The following ADAMTS6 variants were observed in gnomAD, a reference collection of about 807,000 sequenced individuals.
The protein encoded by ADAMTS6 is A disintegrin and metalloproteinase with thrombospondin motifs 6.
ADAMTS6 carries 23 observed loss-of-function variants against 144.3 expected under a neutral mutation model. The ratio of observed to expected loss-of-function variants is 0.16; its 90% confidence interval spans 0.11 to 0.23. The LOEUF (loss-of-function observed/expected upper bound fraction) is 0.23. Ranked by LOEUF, ADAMTS6 falls within the 10% of genes least tolerant of loss-of-function variation. The pLI is 1.00. For synonymous variants in ADAMTS6, 444 were observed against 457.5 expected, an observed-to-expected ratio of 0.97 and a Z score of 0.38; for missense variants, 999 against 1,379.6, an observed-to-expected ratio of 0.72 and a Z score of 4.37.
intron 7 of ADAMTS6, among the ~76,000 whole-genome samples, chr5:65,404,152 T>C (rs547907266): frequency 6.7e-6 from 1 of 148,968 alleles, no homozygotes; most frequent in Non-Finnish European, 1.5e-5. Flanking sequence ...ATTCACTTAG[T>C]TTTTTTTTTA....
At chr5:65,358,860 T>C (rs367739441) in intron 7 of ADAMTS6, among the ~76,000 whole-genome samples, 1 of 152,054 alleles carries the variant, frequency 6.6e-6, no homozygotes, top group East Asian at 1.9e-4. Flanking sequence ...ACTCACATCA[T>C]ATACAAAAAT....
chr5:65,298,607 T>C (rs1007660589), intron 10 of ADAMTS6, among the ~76,000 whole-genome samples: 2 of 152,184 alleles, frequency 1.3e-5, no homozygotes, highest in African/African-American at 4.8e-5. Flanking sequence ...GGTCTACCTT[T>C]ATAGCACTTC....
intron 9 of ADAMTS6, among the ~76,000 whole-genome samples, chr5:65,311,856 A>G (rs2112844951): frequency 6.6e-6 from 1 of 152,212 alleles, no homozygotes; most frequent in South Asian, 2.1e-4. Context: ...CAAACCAAAC[A>G]GAAGATCTGT....
At chr5:65,233,522 C>T (rs982036322) in intron 15 of ADAMTS6, among the ~76,000 whole-genome samples, 3 of 151,858 alleles carry the variant, frequency 2.0e-5, no homozygotes, top group Admixed American at 6.6e-5. Flanking sequence ...AAAATCAGTC[C>T]ATTTCTATAC....
intron 7 of ADAMTS6, among the ~76,000 whole-genome samples, chr5:65,430,960 A>T (rs988749453): frequency 2.0e-5 from 3 of 152,180 alleles, no homozygotes; most frequent in African/African-American, 7.2e-5. Flanking sequence ...TTGTTTACTT[A>T]TTCATAATCA....
chr5:65,425,279 C>T (rs1756412650), intron 7 of ADAMTS6, among the ~76,000 whole-genome samples: 1 of 152,208 alleles, frequency 6.6e-6, no homozygotes, highest in African/African-American at 2.4e-5. Flanking sequence ...CCGCCAGCCT[C>T]AGCCTCCCAA....
intron 9 of ADAMTS6, among the ~76,000 whole-genome samples, chr5:65,326,560 A>G (rs1054712136): frequency 1.3e-5 from 2 of 152,200 alleles, no homozygotes; most frequent in African/African-American, 4.8e-5. Context: ...AATTTAAAGA[A>G]AGGGAGAAAA....
At chr5:65,399,648 C>T (rs1753751890) in intron 7 of ADAMTS6, among the ~76,000 whole-genome samples, 1 of 151,958 alleles carries the variant, frequency 6.6e-6, no homozygotes, top group Non-Finnish European at 1.5e-5. Context: ...ATGAAATAAT[C>T]CTAATTCCTT....
chr5:65,305,148 A>G (rs1311632402), intron 9 of ADAMTS6, among the ~76,000 whole-genome samples: 2 of 152,212 alleles, frequency 1.3e-5, no homozygotes, highest in African/African-American at 4.8e-5. Context: ...AATATTATGG[A>G]CATATAAATA....
At chr5:65,423,889 C>A (rs1035382139) in intron 7 of ADAMTS6, among the ~76,000 whole-genome samples, 8 of 152,050 alleles carry the variant, frequency 5.3e-5, no homozygotes, top group Non-Finnish European at 1.0e-4. Flanking sequence ...CATTTTACAA[C>A]TAAGAAGCAA....
intron 9 of ADAMTS6, among the ~76,000 whole-genome samples, chr5:65,311,016 G>C (rs867983289): frequency 4.6e-5 from 7 of 151,910 alleles, no homozygotes; most frequent in African/African-American, 1.7e-4. Context: ...AAAAAAAAAA[G>C]ATGTTCTTCC....
chr5:65,274,832 C>T (rs1004928159), intron 11 of ADAMTS6, among the ~76,000 whole-genome samples: 3 of 151,980 alleles, frequency 2.0e-5, no homozygotes. Context: ...CTACAGGCAC[C>T]CGCCACCATG....
chr5:65,414,669 G>C (rs548430417), intron 7 of ADAMTS6, among the ~76,000 whole-genome samples: 1 of 152,250 alleles, frequency 6.6e-6, no homozygotes, highest in East Asian at 1.9e-4. Context: ...ATTTGAGCTA[G>C]AACATTAAAA....
chr5:65,278,893 G>A (rs1436151156), intron 11 of ADAMTS6, among the ~76,000 whole-genome samples: 1 of 151,786 alleles, frequency 6.6e-6, no homozygotes, highest in Non-Finnish European at 1.5e-5. Context: ...CTTCTGTGGA[G>A]GCTGATGAAA....
chr5:65,417,538 T>A (rs1433314646), intron 7 of ADAMTS6, among the ~76,000 whole-genome samples: 1 of 152,112 alleles, frequency 6.6e-6, no homozygotes, highest in Non-Finnish European at 1.5e-5. Flanking sequence ...AGTTTCAGGA[T>A]ACAAAATCAA....
intron 7 of ADAMTS6, among the ~76,000 whole-genome samples, chr5:65,398,832 GAAAGAAAGAAAGAAAGAAAA>G (rs1753652270): frequency 7.0e-6 from 1 of 142,882 alleles, no homozygotes; most frequent in Non-Finnish European, 1.5e-5. Flanking sequence ...AAGAAAGAAA[GAAAGAAAGAAAGAAAGAAAA>G]AGAAAGAGAA....
Position 65,189,302 on chromosome 5 carries a change from C to A in ADAMTS6, c.2706-1082G>T, listed in dbSNP as rs192349386. On this transcript the variant is annotated intron_variant, in intron 21 of 24. Transcript: ENST00000381055. Reference sequence around the variant, plus strand: ...ACATTAATTAGTCTAAGGGATGTAACTCATGATCTAAATCAGATCAATGAG... The same window carrying A: ...ACATTAATTAGTCTAAGGGATGTAAATCATGATCTAAATCAGATCAATGAG... Among the ~76,000 whole-genome samples the A allele has an allele frequency of 1.7e-3, 255 of 152,268 alleles. 2 individuals are homozygous for A. The highest frequency in any genetic ancestry group is 6.0e-3 in the African/African-American group (249 of 41,560).
intron 7 of ADAMTS6, among the ~76,000 whole-genome samples, chr5:65,436,229 C>G (rs948113174): frequency 6.6e-5 from 10 of 152,024 alleles, no homozygotes; most frequent in Non-Finnish European, 1.3e-4. Context: ...TACACACACA[C>G]ACACGCATGC....
chr5:65,421,144 G>T (rs1317300264), intron 7 of ADAMTS6, among the ~76,000 whole-genome samples: 1 of 152,012 alleles, frequency 6.6e-6, no homozygotes, highest in Non-Finnish European at 1.5e-5. Context: ...TTTTTTCATT[G>T]TGTTATTTTA....
Sources: gnomAD v4.1 joint callset for allele counts (sites outside exome capture counted in the v4.1 genomes callset) on GRCh38, gnomAD v4.1.1 for gene constraint, MANE v1.5 for transcripts, NCBI Gene and HGNC (gene_info 2026-07-23, HGNC 2026-07-21) for gene names.